The following GLRX5 variants were observed in gnomAD, a reference collection of about 807,000 sequenced individuals.
GLRX5 encodes glutaredoxin 5, also known as glutaredoxin-related protein 5, mitochondrial.
Under a neutral mutation model 13.8 loss-of-function variants are expected in GLRX5, and 10 were observed. That is an observed-to-expected ratio of 0.72 (90% CI 0.45 to 1.23). The LOEUF (loss-of-function observed/expected upper bound fraction) is 1.23. GLRX5 is among the 50% of genes most tolerant of loss of function. GLRX5 has a pLI of 0.00. For synonymous variants in GLRX5, 98 were observed against 101.1 expected, an observed-to-expected ratio of 0.97 and a Z score of 0.18; for missense variants, 233 against 215.2, an observed-to-expected ratio of 1.08 and a Z score of -0.52.
chr14:95,539,892 T>A (rs1891443082), intron 1 of GLRX5, among the ~76,000 whole-genome samples: 1 of 49,014 alleles, frequency 2.0e-5, no homozygotes, highest in Admixed American at 2.5e-4. Flanking sequence ...GGTATATATA[T>A]ATATATTTTT....
intron 1 of GLRX5, among the ~76,000 whole-genome samples, chr14:95,541,265 C>T (rs1328152857): frequency 6.6e-6 from 1 of 152,030 alleles, no homozygotes; most frequent in Non-Finnish European, 1.5e-5. Context: ...TAAACAGTTA[C>T]TTGTGGATCC....
At chr14:95,535,863 G>A (rs1891367603) in intron 1 of GLRX5, among the ~76,000 whole-genome samples, 1 of 152,148 alleles carries the variant, frequency 6.6e-6, no homozygotes, top group African/African-American at 2.4e-5. Flanking sequence ...TGGGGAGAGG[G>A]CTGAGGTTGC....
intron 1 of GLRX5, chr14:95,542,948 T>G: frequency 4.6e-6 from 2 of 436,158 alleles, no homozygotes; most frequent in Non-Finnish European, 9.4e-6. Flanking sequence ...TGAAGCCACA[T>G]TTCTTTCTTA....
chr14:95,537,552 ACT>A (rs1346777453), intron 1 of GLRX5, among the ~76,000 whole-genome samples: 2 of 152,062 alleles, frequency 1.3e-5, no homozygotes, highest in African/African-American at 2.4e-5. Flanking sequence ...GGTTATTAAG[ACT>A]CTTCCCCTCT....
intron 1 of GLRX5, among the ~76,000 whole-genome samples, chr14:95,537,152 G>A (rs143020778): frequency 4.6e-5 from 7 of 152,300 alleles, no homozygotes; most frequent in Admixed American, 1.3e-4. Flanking sequence ...ATCATGTTTC[G>A]AGGGTCTTTG....
chr14:95,544,191 C>T lies in GLRX5; in HGVS notation c.*66C>T. The T allele has an allele frequency of 6.9e-7, 1 of 1,448,040 alleles. No individual in the cohort carries two copies. The highest frequency in any genetic ancestry group is 1.4e-5 in the African/African-American group (1 of 71,460). 89.7% of individuals were successfully genotyped at this position (1,448,040 alleles called of 1,614,324 possible). On this transcript the variant is annotated 3_prime_UTR_variant, in exon 2 of 2. Coordinates refer to ENST00000331334, the MANE Select transcript of GLRX5 (RefSeq NM_016417.3). Reference sequence around the variant, plus strand: ...TGTCAGAGACTCACTGCCAGAAAAGCCTTACCCATTTTGGTTTTCACTATT... The same window carrying T: ...TGTCAGAGACTCACTGCCAGAAAAGTCTTACCCATTTTGGTTTTCACTATT...
intron 1 of GLRX5, chr14:95,543,445 C>T (rs1180109635): frequency 1.3e-5 from 4 of 310,962 alleles, no homozygotes; most frequent in Middle Eastern, 2.4e-3. Flanking sequence ...GGTGGGATTG[C>T]CCGAGTTGGC....
intron 1 of GLRX5, among the ~76,000 whole-genome samples, chr14:95,535,970 A>G (rs1291159351): frequency 6.6e-6 from 1 of 152,122 alleles, no homozygotes; most frequent in Non-Finnish European, 1.5e-5. Flanking sequence ...AAGGGTTGGG[A>G]CAGCTGTCGG....
rs141867720 is a variant in GLRX5, at chr14:95,544,086, C to T, written c.435C>T (p.Ser145=). ...AACTGAAAAAGCTGGGGATCCACTCCGCCCTTTTAGATGAAAAGAAAGACC... is the reference window on the plus strand; with the variant it reads ...AACTGAAAAAGCTGGGGATCCACTCTGCCCTTTTAGATGAAAAGAAAGACC... ...VEELKKLGIH[S]ALLDEKKDQD... Residue 145 remains serine (S), a synonymous_variant, in exon 2 of 2, where the codon TCC becomes TCT. Transcript: ENST00000331334. 330 of 1,613,952 alleles carry T rather than the reference C, an allele frequency of 2.0e-4. No individual in the cohort carries two copies. The highest frequency in any genetic ancestry group is 2.6e-4 in the Non-Finnish European group (307 of 1,180,000).
intron 1 of GLRX5, among the ~76,000 whole-genome samples, chr14:95,539,899 T>A (rs202000768): frequency 0.11 from 3,067 of 26,830 alleles, 42 homozygotes; most frequent in Non-Finnish European, 0.19. Flanking sequence ...ATATATATAT[T>A]TTTTTTTTTT....
intron 1 of GLRX5, chr14:95,543,348 A>AAG (rs2139651579): frequency 5.8e-6 from 2 of 345,280 alleles, no homozygotes; most frequent in East Asian, 1.5e-4. Flanking sequence ...AATTAAAAAA[A>AAG]AAAAAAACTC....
intron 1 of GLRX5, among the ~76,000 whole-genome samples, chr14:95,541,877 T>G (rs1428868868): frequency 6.6e-6 from 1 of 152,164 alleles, no homozygotes; most frequent in Non-Finnish European, 1.5e-5. Context: ...ATTATAGACA[T>G]CCATCAAAAT....
At chr14:95,540,321 A>G (rs1337034851) in intron 1 of GLRX5, among the ~76,000 whole-genome samples, 1 of 152,112 alleles carries the variant, frequency 6.6e-6, no homozygotes, top group African/African-American at 2.4e-5. Flanking sequence ...GTTGGTATGG[A>G]GAGAATGTCC....
chr14:95,541,498 C>T (rs569330516), intron 1 of GLRX5, among the ~76,000 whole-genome samples: 1 of 152,314 alleles, frequency 6.6e-6, no homozygotes, highest in South Asian at 2.1e-4. Context: ...ATTAAAGAAG[C>T]AGCTAAGTTT....
Position 95,535,076 on chromosome 14 carries a change from G to C in GLRX5, c.-14G>C. 7.5e-7 allele frequency: 1 copy of C among 1,337,314 alleles called. No individual in the cohort carries two copies. Among genetic ancestry groups the C allele is most frequent in the African/African-American group, 1.5e-5 (1 of 64,936 alleles). 82.8% of individuals were successfully genotyped at this position (1,337,314 alleles called of 1,614,324 possible). On this transcript the variant is annotated 5_prime_UTR_variant, in exon 1 of 2. Coordinates refer to ENST00000331334, the MANE Select transcript of GLRX5 (RefSeq NM_016417.3). ...TGGGCCCGGGCCGTCGTGGGCTCCG[G>C]CTTGCGTGCGGAGATGAGCGGGTCC...
At chr14:95,543,153 C>T (rs992804366) in intron 1 of GLRX5, 2 of 455,856 alleles carry the variant, frequency 4.4e-6, no homozygotes, top group Non-Finnish European at 8.8e-6. Flanking sequence ...TCCCCCACCC[C>T]TCAGCCCTGG....
intron 1 of GLRX5, among the ~76,000 whole-genome samples, chr14:95,541,271 G>A (rs1401540110): frequency 6.6e-6 from 1 of 151,744 alleles, no homozygotes; most frequent in Non-Finnish European, 1.5e-5. Context: ...GTTACTTGTG[G>A]ATCCGCAGGA....
At chr14:95,541,070 A>T (rs1266898433) in intron 1 of GLRX5, among the ~76,000 whole-genome samples, 3 of 152,226 alleles carry the variant, frequency 2.0e-5, no homozygotes, top group Non-Finnish European at 4.4e-5. Flanking sequence ...TCTGCCCCAG[A>T]TGGAATCACC....
intron 1 of GLRX5, chr14:95,543,405 T>C (rs572673116): frequency 3.0e-6 from 1 of 334,260 alleles, no homozygotes; most frequent in African/African-American, 2.2e-5. Context: ...CTGCACCAAC[T>C]TAGACAGTCA....
Sources: allele counts gnomAD v4.1 joint callset (sites outside exome capture counted in the v4.1 genomes callset), GRCh38; gene constraint gnomAD v4.1.1; transcripts MANE v1.5; gene names NCBI Gene and HGNC (gene_info 2026-07-23, HGNC 2026-07-21).